Variants in PPARGC1B observed in about 807,000 individuals in gnomAD.
PPARGC1B encodes PPARG coactivator 1 beta.
PPARGC1B carries 34 observed loss-of-function variants against 101.6 expected under a neutral mutation model. The observed-to-expected ratio is 0.33, with a 90% CI of 0.25 to 0.45. The LOEUF (loss-of-function observed/expected upper bound fraction) is 0.45. Among genes scored for constraint, PPARGC1B ranks in the 20% least tolerant of loss-of-function variants. PPARGC1B has a pLI of 1.00. For synonymous variants in PPARGC1B, 548 were observed against 539.3 expected, an observed-to-expected ratio of 1.02 and a Z score of -0.22; for missense variants, 1,234 against 1,317.6, an observed-to-expected ratio of 0.94 and a Z score of 0.98.
intron 9 of PPARGC1B, 122 bp from the exon 10 acceptor site, chr5:149,842,134 G>A (rs553957866): frequency 1.0e-4 from 128 of 1,244,988 alleles, no homozygotes; most frequent in Middle Eastern, 2.8e-4. Context: ...GACTCCAGCC[G>A]GTATTGCTCA....
At chr5:149,750,304 A>G (rs1561851474) in intron 1 of PPARGC1B, among the ~76,000 whole-genome samples, 1 of 151,778 alleles carries the variant, frequency 6.6e-6, no homozygotes, top group Admixed American at 6.6e-5. Context: ...TTTTTTTTAA[A>G]GGAGCAAGTC....
chr5:149,851,247 T>C lies in PPARGC1B; in HGVS notation c.*3689T>C, dbSNP rs1437319822. On this transcript the variant is annotated 3_prime_UTR_variant, in exon 12 of 12. Transcript: ENST00000309241. ...TTCTTAGAGTGATTTCTCCTAGACA[T>C]GTGCAGTAGGCCCACTGGGGCTGCT... is the stretch of plus-strand genomic sequence containing the variant. 6.6e-6 allele frequency: 1 copy of C among 152,234 alleles called. No individual in the cohort carries two copies. Among genetic ancestry groups the C allele is most frequent in the South Asian group, 2.1e-4 (1 of 4,820 alleles). The allele number at this position is 152,234 out of a possible 1,614,324, so 9.4% of individuals were successfully genotyped here.
At chr5:149,767,871 A>T (rs1290547964) in intron 1 of PPARGC1B, among the ~76,000 whole-genome samples, 1 of 152,190 alleles carries the variant, frequency 6.6e-6, no homozygotes, top group Non-Finnish European at 1.5e-5. Context: ...TGGTTTCTGC[A>T]TGATTCAAGT....
Position 149,854,400 on chromosome 5 carries a change from T to C in PPARGC1B, c.*6842T>C, listed in dbSNP as rs748517626. 4 of 152,098 alleles carry C rather than the reference T, an allele frequency of 2.6e-5. No individual in the cohort carries two copies. Among genetic ancestry groups the C allele is most frequent in the Non-Finnish European group, 4.4e-5 (3 of 68,032 alleles). 9.4% of individuals were successfully genotyped at this position (152,098 alleles called of 1,614,324 possible). A position where few individuals can be genotyped will look rare whatever the true frequency, so the allele number is the denominator to read the frequency against. On this transcript the variant is annotated 3_prime_UTR_variant, in exon 12 of 12. Transcript: ENST00000309241. ...GTGTGTGTGTGTTTGTGTGTGTGTGTGTGTGTGGAATTACATTGATGCATT... is the reference window on the plus strand; with the variant it reads ...GTGTGTGTGTGTTTGTGTGTGTGTGCGTGTGTGGAATTACATTGATGCATT...
At chr5:149,805,608 T>C (rs938543409) in intron 1 of PPARGC1B, among the ~76,000 whole-genome samples, 1 of 152,052 alleles carries the variant, frequency 6.6e-6, no homozygotes, top group South Asian at 2.1e-4. Context: ...CCTGGCTAAT[T>C]TTTGTATTTT....
intron 1 of PPARGC1B, among the ~76,000 whole-genome samples, chr5:149,819,596 G>A (rs1758198028): frequency 6.6e-6 from 1 of 152,012 alleles, no homozygotes; most frequent in Admixed American, 6.6e-5. Flanking sequence ...TCCGCCTCCC[G>A]GGCTCAAGTG....
intron 1 of PPARGC1B, among the ~76,000 whole-genome samples, chr5:149,787,106 G>A (rs1581053094): frequency 2.6e-5 from 4 of 152,232 alleles, no homozygotes; most frequent in Middle Eastern, 3.2e-3. Context: ...TCCAGCCAAT[G>A]GGAGAAACGG....
Position 149,833,357 on chromosome 5 carries a change from G to T in PPARGC1B, c.1284G>T (p.Gln428His). 1 of 1,613,512 alleles carries T rather than the reference G, an allele frequency of 6.2e-7. No individual in the cohort carries two copies. Among genetic ancestry groups the T allele is most frequent in the Admixed American group, 1.7e-5 (1 of 60,018 alleles). The change falls in exon 5 of 12, where the codon CAG becomes CAT. Residue 428 changes from glutamine (Q) to histidine (H), a missense_variant. Physicochemically the swap from Gln to His is conservative, Grantham distance 24. Transcript: ENST00000309241. This position sits in a 1 kb window ranked among gnomAD's most constrained non-coding sequence, Gnocchi z 4.1. Reference sequence around the variant, plus strand: ...TCCGCCGGCCTGCCAGACTGCAGCAGCAGGAGGAGGAAGACGAGGAAGAAG... The same window carrying T: ...TCCGCCGGCCTGCCAGACTGCAGCATCAGGAGGAGGAAGACGAGGAAGAAG... The part of the protein sequence containing the change: ...REVRRPARLQ[Q>H]QEEEDEEEEE...
chr5:149,830,706 C>A, intron 3 of PPARGC1B, 61 bp from the exon 4 acceptor site: 1 of 1,247,456 alleles, frequency 8.0e-7, no homozygotes, highest in Non-Finnish European at 1.2e-6. Flanking sequence ...GCTGGCCATG[C>A]AGTCCATGTC....
chr5:149,820,520 A>G lies in PPARGC1B; in HGVS notation c.166A>G (p.Thr56Ala). 6.2e-7 allele frequency: 1 copy of G among 1,614,020 alleles called. No individual in the cohort carries two copies. Among genetic ancestry groups the G allele is most frequent in the Non-Finnish European group, 8.5e-7 (1 of 1,180,012 alleles). Residue 56 changes from threonine (T) to alanine (A), a missense_variant, in exon 2 of 12, where the codon ACC becomes GCC. This residue lies in a region of PPARGC1B where 734 missense variants were observed against 768.4 expected (regional missense o/e 0.96). Transcript: ENST00000309241. Reference protein sequence around the residue: ...QLDASDFDSATCFGELQWCPE... With the variant: ...QLDASDFDSAACFGELQWCPE... ...GGATGCCAGCGACTTTGACTCGGCC[A>G]CCTGCTTTGGGGAGCTGCAGTGGTG...
chr5:149,775,479 G>A (rs1405204212), intron 1 of PPARGC1B, among the ~76,000 whole-genome samples: 2 of 152,144 alleles, frequency 1.3e-5, no homozygotes, highest in African/African-American at 2.4e-5. Context: ...CTGAGATGGT[G>A]CAGGAGCTGA....
At chr5:149,763,116 T>G (rs1303192039) in intron 1 of PPARGC1B, among the ~76,000 whole-genome samples, 1 of 152,106 alleles carries the variant, frequency 6.6e-6, no homozygotes, top group Non-Finnish European at 1.5e-5. Context: ...TCAGGTCCCT[T>G]GAGAGAGGTG....
chr5:149,828,883 AT>A (rs201069324), intron 3 of PPARGC1B, among the ~76,000 whole-genome samples: 13,201 of 143,918 alleles, frequency 0.092, 760 homozygotes, highest in Admixed American at 0.16. Context: ...CATCTCTATG[AT>A]TTTTTTTTTT....
intron 1 of PPARGC1B, among the ~76,000 whole-genome samples, chr5:149,794,885 C>G (rs1757153295): frequency 6.6e-6 from 1 of 152,362 alleles, no homozygotes; most frequent in East Asian, 1.9e-4. Flanking sequence ...TCCTAGCTCT[C>G]CACTGGGGTC....
At chr5:149,750,453 A>ATATATATATATATATATAT (rs1755246049) in intron 1 of PPARGC1B, among the ~76,000 whole-genome samples, 1 of 123,240 alleles carries the variant, frequency 8.1e-6, no homozygotes, top group African/African-American at 3.1e-5. Flanking sequence ...TTTTAGTTAA[A>ATATATATATATATATATAT]ATATATATAT....
In PPARGC1B at chr5:149,832,623, T is replaced by G. The variant is rs753456679; in HGVS notation, c.583-33T>G. 4.9e-5 allele frequency: 73 copies of G among 1,496,478 alleles called. No homozygotes were observed. Among genetic ancestry groups the G allele is most frequent in the Non-Finnish European group, 6.5e-5 (72 of 1,115,906 alleles). 92.7% of individuals were successfully genotyped at this position (1,496,478 alleles called of 1,614,324 possible). A position where few individuals can be genotyped will look rare whatever the true frequency, so the allele number is the denominator to read the frequency against. ...GACACATGGGAGGAGTGTTTGGGCC[T>G]CCTTCCTCACTCTGGCCTCTCTCCC... On this transcript the variant is annotated intron_variant, in intron 4 of 11. Transcript: ENST00000309241. The surrounding 1 kb of genome is among the most constrained non-coding windows in gnomAD (Gnocchi z 4.9).
chr5:149,736,356 A>G (rs745668422), intron 1 of PPARGC1B, among the ~76,000 whole-genome samples: 2 of 151,524 alleles, frequency 1.3e-5, no homozygotes, highest in Non-Finnish European at 2.9e-5. Context: ...GCTAATTTTC[A>G]TGCATGCAAT....
intron 1 of PPARGC1B, among the ~76,000 whole-genome samples, chr5:149,765,646 C>A (rs1420611335): frequency 6.6e-6 from 1 of 152,004 alleles, no homozygotes; most frequent in East Asian, 1.9e-4. Flanking sequence ...ATCACAAGGT[C>A]AGGAGATCAA....
intron 2 of PPARGC1B, among the ~76,000 whole-genome samples, chr5:149,826,210 G>A (rs755431877): frequency 1.3e-5 from 2 of 152,140 alleles, no homozygotes; most frequent in Non-Finnish European, 2.9e-5. Context: ...TCACTGCTGT[G>A]GTTATTATTG....
Sources: allele counts gnomAD v4.1 joint callset (sites outside exome capture counted in the v4.1 genomes callset), GRCh38; gene constraint gnomAD v4.1.1; regional missense constraint gnomAD v4.1.1; non-coding constraint Gnocchi (gnomAD v3.1); transcripts MANE v1.5; gene names NCBI Gene and HGNC (gene_info 2026-07-23, HGNC 2026-07-21).